Variants in LANCL2 observed in about 807,000 individuals in gnomAD.
LANCL2 encodes lanC-like protein 2.
LANCL2 carries 33 observed loss-of-function variants against 56.9 expected under a neutral mutation model. The ratio of observed to expected loss-of-function variants is 0.58; its 90% CI spans 0.44 to 0.78. The LOEUF (loss-of-function observed/expected upper bound fraction) is 0.78, where lower values mean the gene tolerates loss of function less well. Ranked by LOEUF, LANCL2 falls within the 30% of genes least tolerant of loss-of-function variation. LANCL2 has a pLI of 0.00. For missense variants in LANCL2, 562 were observed against 580.2 expected, an observed-to-expected ratio of 0.97 and a Z score of 0.32; for synonymous variants, 233 against 228.2, an observed-to-expected ratio of 1.02 and a Z score of -0.19.
Position 55,391,891 on chromosome 7 carries a change from T to C in LANCL2, c.303T>C (p.Ser101=), listed in dbSNP as rs1188126288. Residue 101 remains serine, a synonymous_variant, in exon 2 of 9, where the codon TCT becomes TCC. Transcript: ENST00000254770. ...GLKTADPHDC[S]AYTGWTGIAL... is the part of the protein sequence containing the mutation. ...AGACAGCTGATCCCCATGACTGCTCTGCTTATACTGGCTGGACAGGTGAGG... is the reference window on the plus strand; with the variant it reads ...AGACAGCTGATCCCCATGACTGCTCCGCTTATACTGGCTGGACAGGTGAGG... 1 of 1,595,442 alleles carries C rather than the reference T, an allele frequency of 6.3e-7. No homozygotes were observed. Among genetic ancestry groups the C allele is most frequent in the Non-Finnish European group, 8.6e-7 (1 of 1,163,224 alleles).
intron 5 of LANCL2, among the ~76,000 whole-genome samples, chr7:55,403,371 G>A (rs1790364881): frequency 6.6e-6 from 1 of 152,108 alleles, no homozygotes; most frequent in African/African-American, 2.4e-5. Context: ...CAGGGAGGTT[G>A]CAGTGAGCCG....
intron 3 of LANCL2, 150 bp from the exon 4 acceptor site, chr7:55,399,807 G>T (rs1790300054): frequency 1.7e-4 from 85 of 505,912 alleles, no homozygotes; most frequent in East Asian, 6.5e-4. Flanking sequence ...AGACGTTTTT[G>T]TTGTGTTCTG....
chr7:55,415,071 T>C (rs1386709473), intron 6 of LANCL2, among the ~76,000 whole-genome samples: 1 of 151,898 alleles, frequency 6.6e-6, no homozygotes, highest in East Asian at 1.9e-4. Context: ...TAATTGTGAA[T>C]GATTTTCTAA....
intron 6 of LANCL2, 44 bp from the exon 7 acceptor site, chr7:55,425,210 T>C (rs781508270): frequency 6.3e-6 from 10 of 1,589,960 alleles, no homozygotes; most frequent in Non-Finnish European, 8.6e-6. Context: ...CAACTCATCG[T>C]TGAAACTGTC....
intron 5 of LANCL2, among the ~76,000 whole-genome samples, chr7:55,407,966 C>T (rs901140379): frequency 5.9e-5 from 9 of 152,080 alleles, no homozygotes; most frequent in Non-Finnish European, 1.0e-4. Context: ...GACCAGTAGC[C>T]GATGAGCGGA....
At chr7:55,426,577 C>A (rs1245172365) in intron 7 of LANCL2, among the ~76,000 whole-genome samples, 2 of 152,186 alleles carry the variant, frequency 1.3e-5, no homozygotes, top group Non-Finnish European at 2.9e-5. Flanking sequence ...GTGGCTCCCC[C>A]ACTGATGGAA....
At chr7:55,421,326 T>G (rs934259302) in intron 6 of LANCL2, among the ~76,000 whole-genome samples, 19 of 148,952 alleles carry the variant, frequency 1.3e-4, no homozygotes, top group African/African-American at 4.7e-4. Flanking sequence ...GGATTCTCTT[T>G]TTTCTGTTGA....
chr7:55,398,512 C>T lies in LANCL2; in HGVS notation c.412C>T (p.Arg138Trp), dbSNP rs760157909. 4.3e-6 allele frequency: 7 copies of T among 1,614,162 alleles called. No individual in the cohort carries two copies. The highest frequency in any genetic ancestry group is 3.3e-5 in the Admixed American group (2 of 60,018). ...CCTGGATTACGTAAAAAGAACACTTCGGAATCTGAATGGCCGCAGGGTCAC... is the reference window on the plus strand; with the variant it reads ...CCTGGATTACGTAAAAAGAACACTTTGGAATCTGAATGGCCGCAGGGTCAC... ...RSLDYVKRTL[R>W]NLNGRRVTFL... is the part of the protein sequence containing the mutation. The change falls in exon 3 of 9, where the codon CGG (arginine) becomes TGG (tryptophan). Residue 138 changes from arginine to tryptophan, a missense_variant. Around this residue, in one of 2 missense-constraint regions of LANCL2, gnomAD observed 378 missense variants for 468.4 expected, o/e 0.81. Coordinates refer to ENST00000254770, the MANE Select transcript of LANCL2 (RefSeq NM_018697.4).
At chr7:55,407,496 C>G (rs1469848362) in intron 5 of LANCL2, among the ~76,000 whole-genome samples, 3 of 152,234 alleles carry the variant, frequency 2.0e-5, no homozygotes, top group Non-Finnish European at 4.4e-5. Context: ...GTCAACTTGA[C>G]TGAGCCCTGG....
chr7:55,414,827 T>C (rs917956506), intron 6 of LANCL2, among the ~76,000 whole-genome samples: 1 of 150,240 alleles, frequency 6.7e-6, no homozygotes, highest in Non-Finnish European at 1.5e-5. Flanking sequence ...TAAAAAAAAA[T>C]ACAAAAATTA....
intron 6 of LANCL2, among the ~76,000 whole-genome samples, chr7:55,413,435 G>A (rs762308693): frequency 1.7e-4 from 26 of 152,228 alleles, no homozygotes; most frequent in Non-Finnish European, 3.2e-4. Context: ...ACAGCTGGGT[G>A]TTCCCGGTGG....
chr7:55,366,337 C>A, intron 1 of LANCL2, 108 bp downstream of exon 1: 2 of 985,166 alleles, frequency 2.0e-6, no homozygotes, highest in Non-Finnish European at 1.4e-6. Context: ...CTTGGGAGGG[C>A]GCGGGATGAT....
chr7:55,387,619 A>G (rs1291047552), intron 1 of LANCL2, among the ~76,000 whole-genome samples: 1 of 151,872 alleles, frequency 6.6e-6, no homozygotes, highest in Non-Finnish European at 1.5e-5. Context: ...TTAATACCTT[A>G]AGAAAACCTT....
At chr7:55,393,537 G>GA (rs1427551784) in intron 2 of LANCL2, among the ~76,000 whole-genome samples, 1 of 143,212 alleles carries the variant, frequency 7.0e-6, no homozygotes, top group Non-Finnish European at 1.5e-5. Flanking sequence ...GTCTCAAAAA[G>GA]AAAAAAACAA....
chr7:55,420,164 G>T (rs1227982122), intron 6 of LANCL2, among the ~76,000 whole-genome samples: 2 of 152,108 alleles, frequency 1.3e-5, no homozygotes, highest in African/African-American at 4.8e-5. Context: ...CTTAGGTTTT[G>T]TACCTTTCTT....
chr7:55,372,905 A>G (rs1789960338), intron 1 of LANCL2, among the ~76,000 whole-genome samples: 1 of 152,202 alleles, frequency 6.6e-6, no homozygotes, highest in East Asian at 1.9e-4. Flanking sequence ...TTCCATACAC[A>G]TACATTCTTC....
At chr7:55,410,673 G>A in intron 5 of LANCL2, among the ~76,000 whole-genome samples, 1 of 152,200 alleles carries the variant, frequency 6.6e-6, no homozygotes, top group Non-Finnish European at 1.5e-5. Context: ...GCGGATTTAT[G>A]TGGTGCTAAC....
chr7:55,423,610 A>G (rs906514816), intron 6 of LANCL2, among the ~76,000 whole-genome samples: 5 of 152,256 alleles, frequency 3.3e-5, no homozygotes, highest in African/African-American at 1.2e-4. Context: ...ATGGTTAATC[A>G]TAGCCAGGAA....
intron 2 of LANCL2, among the ~76,000 whole-genome samples, chr7:55,395,919 G>A (rs552304703): frequency 5.0e-4 from 76 of 152,342 alleles, no homozygotes; most frequent in African/African-American, 1.8e-3. Context: ...CCTAGATTGT[G>A]TAGCCAACTA....
Sources: allele counts gnomAD v4.1 joint callset (sites outside exome capture counted in the v4.1 genomes callset), GRCh38; gene constraint gnomAD v4.1.1; regional missense constraint gnomAD v4.1.1; transcripts MANE v1.5; gene names NCBI Gene and HGNC (gene_info 2026-07-23, HGNC 2026-07-21).